FES: variants seen among roughly 807,000 people sequenced by gnomAD.
FES encodes the protein tyrosine-protein kinase Fes/Fps.
Under a neutral mutation model 109.6 loss-of-function variants are expected in FES, and 83 were observed. The observed-to-expected ratio is 0.76, with a 90% CI of 0.63 to 0.91. The LOEUF (loss-of-function observed/expected upper bound fraction) is 0.91, where lower values mean the gene tolerates loss of function less well. FES is among the 40% of genes least tolerant of loss of function. FES has a pLI of 0.00. For synonymous variants in FES, 458 were observed against 442.1 expected (o/e 1.04, Z -0.45); for missense variants, 943 against 1,070.9 (o/e 0.88, Z 1.67).
Position 90,885,022 on chromosome 15 carries a change from C to T in FES, c.-9-15C>T. On this transcript the variant is annotated splice_polypyrimidine_tract_variant and intron_variant, in intron 1 of 18. Coordinates refer to ENST00000328850, the MANE Select transcript of FES (RefSeq NM_002005.4). ...GCTGCCTTGCCTCCAGGGATGGCCC[C>T]TTTTCTGTCCCCAGAACAGCACTAT... 1 of 1,583,020 alleles carries T rather than the reference C, an allele frequency of 6.3e-7. No individual in the cohort carries two copies. Among genetic ancestry groups the T allele is most frequent in the Non-Finnish European group, 8.6e-7 (1 of 1,166,244 alleles).
rs773340592 is a variant in FES at position 90,893,436 on chromosome 15, G to T, written c.2045+22G>T. ...ACCGGTGAGTGGGCGGTGGCCACGG[G>T]CCCTGCCAACACCCCCGACCAGAGT... On this transcript the variant is annotated intron_variant, in intron 16 of 18. Coordinates refer to ENST00000328850, the MANE Select transcript of FES (RefSeq NM_002005.4). The T allele has an allele frequency of 1.2e-5, 18 of 1,525,998 alleles. No homozygotes were observed. In the South Asian group the frequency reaches 2.3e-4, roughly 20 times the overall value. The allele number at this position is 1,525,998 out of a possible 1,614,324, so 94.5% of individuals were successfully genotyped here.
chr15:90,888,116 C>CT (rs532069946), intron 5 of FES, among the ~76,000 whole-genome samples: 65 of 152,206 alleles, frequency 4.3e-4, no homozygotes, highest in Non-Finnish European at 8.4e-4. Context: ...TTTGTTTTAA[C>CT]TTTTTTTGAG....
At chr15:90,888,503 G>T (rs564912536) in intron 5 of FES, among the ~76,000 whole-genome samples, 1 of 152,336 alleles carries the variant, frequency 6.6e-6, no homozygotes, top group Admixed American at 6.5e-5. Context: ...GCAGGCTCTT[G>T]CCATAATCCA....
chr15:90,893,100 G>A lies in FES; in HGVS notation c.1827G>A (p.Arg609=). The stretch of plus-strand genomic sequence containing the variant: ...GATCCTGAGCAGCAGTGCCCTCCAG[G>A]ATCCTGAAGCAGTACAGCCACCCCA... ...DLKAKFLQEA[R]ILKQYSHPNI... Residue 609 remains arginine (R), a splice_region_variant and synonymous_variant, in exon 15 of 19, where the codon AGG becomes AGA. Coordinates refer to ENST00000328850, the MANE Select transcript of FES (RefSeq NM_002005.4). 1 of 1,613,132 alleles carries A rather than the reference G, an allele frequency of 6.2e-7. No homozygotes were observed. The highest frequency in any genetic ancestry group is 8.5e-7 in the Non-Finnish European group (1 of 1,179,728).
chr15:90,892,531 T>A, intron 13 of FES, 176 bp from the exon 14 acceptor site: 1 of 604,716 alleles, frequency 1.7e-6, no homozygotes, highest in Non-Finnish European at 2.9e-6. Context: ...CAACTTTCCC[T>A]GCCTGCCCCA....
intron 9 of FES, 27 bp downstream of exon 9, chr15:90,890,305 C>G (rs1158559017): frequency 2.5e-6 from 4 of 1,586,446 alleles, no homozygotes; most frequent in Non-Finnish European, 3.4e-6. Context: ...GCGGCCGCTG[C>G]CCGCCACCGG....
chr15:90,887,010 C>T lies in FES; in HGVS notation c.437C>T (p.Ala146Val), dbSNP rs201938748. ...EKLKSQYRAL[A>V]RDSAQAKRKY... ...CTGAAGAGCCAGTACCGAGCTCTGG[C>T]ACGGGACAGTGCCCAAGCCAAGCGC... Residue 146 changes from alanine (A) to valine (V), a missense_variant, in exon 4 of 19, where the codon GCA (alanine) becomes GTA (valine). By Grantham distance (64) the Ala-to-Val change is moderately conservative. Transcript: ENST00000328850. The T allele has an allele frequency of 9.3e-6, 15 of 1,614,056 alleles. No individual in the cohort carries two copies. Among genetic ancestry groups the T allele is most frequent in the Non-Finnish European group, 1.1e-5 (13 of 1,180,050 alleles).
chr15:90,891,312 G>A (rs2033191833), intron 11 of FES, 121 bp downstream of exon 11: 7 of 1,283,772 alleles, frequency 5.5e-6, no homozygotes, highest in South Asian at 2.7e-5. Context: ...TCCCTAGCAG[G>A]GCTGGCTGGA....
At position 90,891,704 on chromosome 15, in the gene FES, C is replaced by T. The variant is rs767871999; in HGVS notation, c.1653+28C>T. 6 of 1,612,106 alleles carry T rather than the reference C, an allele frequency of 3.7e-6. No individual in the cohort carries two copies. The East Asian group carries it at 8.9e-5, about 24-fold the overall frequency. Reference sequence around the variant, plus strand: ...GAGCCTGCACCCAGCCTGGCCCATGCCACCTGTGGCAGGGCTTGGGGAGTG... The same window carrying T: ...GAGCCTGCACCCAGCCTGGCCCATGTCACCTGTGGCAGGGCTTGGGGAGTG... On this transcript the variant is annotated intron_variant, in intron 12 of 18. Coordinates refer to ENST00000328850, the MANE Select transcript of FES (RefSeq NM_002005.4).
intron 16 of FES, 43 bp from the exon 17 acceptor site, chr15:90,893,611 A>G (rs1415858189): frequency 1.3e-6 from 2 of 1,532,094 alleles, no homozygotes; most frequent in Non-Finnish European, 1.8e-6. Context: ...AGGGCTGGGC[A>G]GGCGACTGTT....
rs1178632449 is a variant in FES at position 90,893,207 on chromosome 15, C to T, written c.1921+13C>T. 1.1e-5 allele frequency: 17 copies of T among 1,613,480 alleles called. No individual in the cohort carries two copies. The Admixed American group carries it at 2.0e-4, about 19-fold the overall frequency. ...GAGCTTGTGCAGGGTGAGCGCGGGGCGCTGAGCTCCAGGTAGGGCGCGCAG... is the reference window on the plus strand; with the variant it reads ...GAGCTTGTGCAGGGTGAGCGCGGGGTGCTGAGCTCCAGGTAGGGCGCGCAG... On this transcript the variant is annotated intron_variant, in intron 15 of 18. Transcript: ENST00000328850.
rs950203728 is a variant in FES, at chr15:90,885,390, C to T, written c.214-22C>T. The T allele has an allele frequency of 2.5e-6, 4 of 1,601,678 alleles. No individual in the cohort carries two copies. In the African/African-American group the frequency reaches 5.4e-5, roughly 21 times the overall value. On this transcript the variant is annotated intron_variant, in intron 2 of 18. Coordinates refer to ENST00000328850, the MANE Select transcript of FES (RefSeq NM_002005.4). ...GGAGCCATTGTGCCCCCCTCCCTGC[C>T]TCCCCCATCTGTGCTGTATAGTCCT...
chr15:90,893,358 G>A lies in FES; in HGVS notation c.1989G>A (p.Met663Ile). Residue 663 changes from methionine (M) to isoleucine (I), a missense_variant, in exon 16 of 19, where the codon ATG (methionine) becomes ATA (isoleucine). By Grantham distance (10) the Met-to-Ile change is conservative. Coordinates refer to ENST00000328850, the MANE Select transcript of FES (RefSeq NM_002005.4). ...TGCGGGTGAAGACTCTGCTGCAGATGGTGGGGGATGCAGCTGCTGGCATGG... is the reference window on the plus strand; with the variant it reads ...TGCGGGTGAAGACTCTGCTGCAGATAGTGGGGGATGCAGCTGCTGGCATGG... ...ARLRVKTLLQ[M>I]VGDAAAGMEY... 6.4e-7 allele frequency: 1 copy of A among 1,566,128 alleles called. No individual in the cohort carries two copies. Among genetic ancestry groups the A allele is most frequent in the Non-Finnish European group, 8.6e-7 (1 of 1,156,268 alleles).
chr15:90,891,930 T>C, intron 12 of FES, 128 bp from the exon 13 acceptor site: 3 of 1,196,098 alleles, frequency 2.5e-6, no homozygotes, highest in Admixed American at 1.9e-5. Context: ...GTCATCTCAG[T>C]GTGCTCCCCA....
In FES at chr15:90,894,026, G is replaced by A. The variant is rs767160756; in HGVS notation, c.2294G>A (p.Ser765Asn). The A allele has an allele frequency of 3.1e-6, 5 of 1,613,760 alleles. No homozygotes were observed. In the African/African-American group the frequency reaches 6.7e-5, roughly 22 times the overall value. Residue 765 changes from serine to asparagine, a missense_variant, in exon 18 of 19, where the codon AGC becomes AAC. Physicochemically the swap from Ser to Asn is conservative, Grantham distance 46. Coordinates refer to ENST00000328850, the MANE Select transcript of FES (RefSeq NM_002005.4). ...SLGASPYPNLSNQQTREFVEK... is the reference protein window; with the variant it reads ...SLGASPYPNLNNQQTREFVEK... Reference sequence around the variant, plus strand: ...GGGGCCTCCCCCTATCCCAACCTCAGCAATCAGCAGACACGGGAGTTTGTG... The same window carrying A: ...GGGGCCTCCCCCTATCCCAACCTCAACAATCAGCAGACACGGGAGTTTGTG...
Position 90,889,398 on chromosome 15 carries a change from G to T in FES, c.761G>T (p.Arg254Leu). 6.2e-7 allele frequency: 1 copy of T among 1,614,030 alleles called. No homozygotes were observed. The highest frequency in any genetic ancestry group is 8.5e-7 in the Non-Finnish European group (1 of 1,180,026). The change falls in exon 6 of 19, where the codon CGC (arginine) becomes CTC (leucine). Residue 254 changes from arginine to leucine, a missense_variant. Transcript: ENST00000328850. This position sits in a 1 kb window ranked among gnomAD's most constrained non-coding sequence, Gnocchi z 6.1. ...IHREMAAAAA[R>L]IQPEAEYQGF... Reference sequence around the variant, plus strand: ...CGGGAGATGGCTGCAGCTGCTGCCCGCATCCAGCCTGAGGCTGAGTACCAA... The same window carrying T: ...CGGGAGATGGCTGCAGCTGCTGCCCTCATCCAGCCTGAGGCTGAGTACCAA...
rs1267675804 is a variant in FES, at chr15:90,891,109, G to A, written c.1448G>A (p.Arg483Gln). The A allele has an allele frequency of 3.8e-6, 6 of 1,585,624 alleles. No individual in the cohort carries two copies. The highest frequency in any genetic ancestry group is 1.8e-5 in the Admixed American group (1 of 55,398). The change falls in exon 11 of 19, where the codon CGG becomes CAG. Residue 483 changes from arginine (R) to glutamine (Q), a missense_variant. Arg to Gln is a conservative substitution (Grantham distance 43, BLOSUM62 1). Coordinates refer to ENST00000328850, the MANE Select transcript of FES (RefSeq NM_002005.4). ...LLVHSGDFLV[R>Q]ESQGKQEYVL... ...GTGCACTCTGGGGACTTCCTGGTGC[G>A]GGAGAGCCAGGGCAAGCAGGAGTAC... is the stretch of plus-strand genomic sequence containing the variant.
At position 90,892,936 on chromosome 15, in the gene FES, C is replaced by G. The variant is rs1470353936; in HGVS notation, c.1826+111C>G. The G allele has an allele frequency of 2.0e-5, 27 of 1,347,256 alleles. No individual in the cohort carries two copies. The East Asian group carries it at 6.0e-4, about 30-fold the overall frequency. The allele number at this position is 1,347,256 out of a possible 1,614,324, so 83.5% of individuals were successfully genotyped here. On this transcript the variant is annotated intron_variant, in intron 14 of 18. Coordinates refer to ENST00000328850, the MANE Select transcript of FES (RefSeq NM_002005.4). ...GGTGGTGTTTAGTCCTCGAGGCCCCCCATTGCGGGTAGTACCCCCTTATAG... is the reference window on the plus strand; with the variant it reads ...GGTGGTGTTTAGTCCTCGAGGCCCCGCATTGCGGGTAGTACCCCCTTATAG...
chr15:90,888,053 T>G (rs1307262140), intron 5 of FES, among the ~76,000 whole-genome samples: 1 of 152,194 alleles, frequency 6.6e-6, no homozygotes, highest in African/African-American at 2.4e-5. Flanking sequence ...GTGAGGACTT[T>G]GGCTCTGGGT....
Sources: gnomAD v4.1 joint callset for allele counts (sites outside exome capture counted in the v4.1 genomes callset) on GRCh38, gnomAD v4.1.1 for gene constraint, Gnocchi (gnomAD v3.1) non-coding constraint, MANE v1.5 for transcripts, NCBI Gene and HGNC (gene_info 2026-07-23, HGNC 2026-07-21) for gene names.